Variants in LYPLAL1 observed in about 807,000 individuals in gnomAD.
LYPLAL1 encodes lysophospholipase like 1, also known as lysophospholipase-like protein 1.
A neutral mutation model predicts 19.7 loss-of-function variants in LYPLAL1; 23 were observed. That is an observed-to-expected ratio of 1.17 (90% confidence interval 0.84 to 1.65). The LOEUF (loss-of-function observed/expected upper bound fraction) is 1.65. Among genes scored for constraint, LYPLAL1 ranks in the 40% most tolerant of loss-of-function variants. The pLI, the probability that LYPLAL1 is intolerant of heterozygous loss-of-function variation, is 0.00. For synonymous variants in LYPLAL1, 119 were observed against 96.3 expected, an observed-to-expected ratio of 1.24 and a Z score of -1.38; for missense variants, 355 against 279.4, an observed-to-expected ratio of 1.27 and a Z score of -1.93.
chr1:219,345,122 A>G, the LYPLAL1 span, among the ~76,000 whole-genome samples: 1 of 152,312 alleles, frequency 6.6e-6, no homozygotes, highest in African/African-American at 2.4e-5. Flanking sequence ...TTCTTTCTGT[A>G]TTTATAGAAC....
chr1:219,189,257 T>A (rs2125054587), intron 2 of LYPLAL1, among the ~76,000 whole-genome samples: 1 of 151,762 alleles, frequency 6.6e-6, no homozygotes. Context: ...AACACAGAAA[T>A]AGCAGAGTAA....
the LYPLAL1 span, among the ~76,000 whole-genome samples, chr1:219,395,660 G>C: frequency 6.6e-6 from 1 of 152,094 alleles, no homozygotes; most frequent in African/African-American, 2.4e-5. Flanking sequence ...TGTTGCAATT[G>C]CTTTTGGAGT....
At chr1:219,434,929 G>A in the LYPLAL1 span, among the ~76,000 whole-genome samples, 1 of 151,972 alleles carries the variant, frequency 6.6e-6, no homozygotes, top group Non-Finnish European at 1.5e-5. Context: ...CTGGGATAAT[G>A]GTCCAGCTTG....
the LYPLAL1 span, among the ~76,000 whole-genome samples, chr1:219,405,674 A>G: frequency 6.6e-6 from 1 of 152,194 alleles, no homozygotes; most frequent in Non-Finnish European, 1.5e-5. Flanking sequence ...GGTAGCAATA[A>G]ACCTTTTTTC....
the LYPLAL1 span, among the ~76,000 whole-genome samples, chr1:219,218,817 A>G: frequency 6.6e-6 from 1 of 152,186 alleles, no homozygotes. Context: ...CATTGAATTA[A>G]GACAACCATG....
At chr1:219,261,869 C>A in the LYPLAL1 span, among the ~76,000 whole-genome samples, 1 of 152,114 alleles carries the variant, frequency 6.6e-6, no homozygotes, top group Non-Finnish European at 1.5e-5. Flanking sequence ...GTTCTTTGAG[C>A]GCCTTGTATT....
the LYPLAL1 span, among the ~76,000 whole-genome samples, chr1:219,420,648 C>T: frequency 9.2e-5 from 14 of 152,104 alleles, no homozygotes; most frequent in African/African-American, 2.9e-4. Flanking sequence ...GTAATGCTGC[C>T]ATTGTATGAG....
chr1:219,254,081 T>C, the LYPLAL1 span, among the ~76,000 whole-genome samples: 202 of 152,214 alleles, frequency 1.3e-3, 1 homozygote, highest in South Asian at 0.014. Context: ...CTCTGTTTTG[T>C]CTGAAATTAA....
chr1:219,254,717 C>G, the LYPLAL1 span, among the ~76,000 whole-genome samples: 1 of 151,948 alleles, frequency 6.6e-6, no homozygotes, highest in Non-Finnish European at 1.5e-5. Context: ...AACATTCTTT[C>G]ATTTCAACCT....
intron 3 of LYPLAL1, among the ~76,000 whole-genome samples, chr1:219,203,015 T>C (rs1476660430): frequency 1.2e-4 from 19 of 152,124 alleles, no homozygotes. Flanking sequence ...AAATGAATTA[T>C]AATGGGAAAA....
chr1:219,311,750 C>T, the LYPLAL1 span, among the ~76,000 whole-genome samples: 75 of 152,224 alleles, frequency 4.9e-4, no homozygotes, highest in African/African-American at 1.1e-3. Context: ...TTTGAATATA[C>T]GCATAATCCA....
chr1:219,255,325 A>G, the LYPLAL1 span, among the ~76,000 whole-genome samples: 1 of 151,872 alleles, frequency 6.6e-6, no homozygotes, highest in Non-Finnish European at 1.5e-5. Context: ...GAGATCTTGT[A>G]CATCTTTCAT....
At chr1:219,355,634 C>T in the LYPLAL1 span, among the ~76,000 whole-genome samples, 5 of 151,960 alleles carry the variant, frequency 3.3e-5, no homozygotes, top group African/African-American at 1.2e-4. Flanking sequence ...ATCAAGAAGA[C>T]ATTTATAGAA....
the LYPLAL1 span, among the ~76,000 whole-genome samples, chr1:219,398,305 C>A: frequency 6.6e-6 from 1 of 152,160 alleles, no homozygotes; most frequent in Non-Finnish European, 1.5e-5. Context: ...GAAAGACAGT[C>A]TTCAGGCTCT....
At chr1:219,267,435 G>A in the LYPLAL1 span, among the ~76,000 whole-genome samples, 3 of 152,130 alleles carry the variant, frequency 2.0e-5, no homozygotes, top group African/African-American at 7.2e-5. Flanking sequence ...TTCATGCCTA[G>A]ATGAAGCCCC....
chr1:219,206,414 C>A (rs1030312769), intron 3 of LYPLAL1, among the ~76,000 whole-genome samples: 4 of 151,942 alleles, frequency 2.6e-5, no homozygotes, highest in Non-Finnish European at 5.9e-5. Flanking sequence ...AAATTGAATT[C>A]AAATAACTAG....
the LYPLAL1 span, among the ~76,000 whole-genome samples, chr1:219,337,063 C>T: frequency 3.3e-5 from 5 of 151,950 alleles, no homozygotes; most frequent in Non-Finnish European, 7.4e-5. Context: ...TGCATTACAT[C>T]ATTCTCTGCT....
downstream of LYPLAL1, among the ~76,000 whole-genome samples, chr1:219,216,402 G>C (rs1659291991): frequency 6.6e-6 from 1 of 152,036 alleles, no homozygotes; most frequent in African/African-American, 2.4e-5. Context: ...TTATTGAAAA[G>C]TATTAAAAAC....
chr1:219,192,819 T>C (rs966429299), intron 2 of LYPLAL1, among the ~76,000 whole-genome samples: 1 of 151,690 alleles, frequency 6.6e-6, no homozygotes, highest in Admixed American at 6.6e-5. Context: ...TCACTGGTAC[T>C]GTAACTGTTC....
Sources: gnomAD v4.1 joint callset for allele counts (sites outside exome capture counted in the v4.1 genomes callset) on GRCh38, gnomAD v4.1.1 for gene constraint, MANE v1.5 for transcripts, NCBI Gene and HGNC (gene_info 2026-07-23, HGNC 2026-07-21) for gene names.